The following ECE1 variants were observed in gnomAD, a reference collection of about 807,000 sequenced individuals.
ECE1 encodes the protein endothelin-converting enzyme 1.
ECE1 carries 35 observed loss-of-function variants against 98.6 expected under a neutral mutation model. The observed-to-expected ratio is 0.35, with a 90% CI of 0.27 to 0.47. ECE1 has a LOEUF of 0.47. Ranked by LOEUF, ECE1 falls within the 20% of genes least tolerant of loss-of-function variation. The probability of loss-of-function intolerance (pLI) is 1.00; values close to 1 mark genes in which losing one functional copy is unlikely to be tolerated. For missense variants in ECE1, 814 were observed against 1,025.3 expected, an observed-to-expected ratio of 0.79 and a Z score of 2.81; for synonymous variants, 394 against 407.1, an observed-to-expected ratio of 0.97 and a Z score of 0.39.
At chr1:21,237,725 G>A (rs372523435) in intron 11 of ECE1, among the ~76,000 whole-genome samples, 3 of 152,140 alleles carry the variant, frequency 2.0e-5, no homozygotes, top group Non-Finnish European at 2.9e-5. Flanking sequence ...AGCTTAGGCC[G>A]GGCTGTCTCC....
intron 14 of ECE1, among the ~76,000 whole-genome samples, chr1:21,230,273 T>C (rs1322175674): frequency 2.0e-5 from 3 of 152,174 alleles, no homozygotes; most frequent in African/African-American, 7.2e-5. Flanking sequence ...AATTATCACT[T>C]TTCGAGTTTT....
intron 1 of ECE1, chr1:21,298,639 G>A (rs962308130): frequency 4.9e-6 from 2 of 411,686 alleles, no homozygotes; most frequent in African/African-American, 4.1e-5. Flanking sequence ...TAGACCTGGG[G>A]CTCGGTGGCA....
At chr1:21,333,596 G>A (rs907388785) in intron 1 of ECE1, among the ~76,000 whole-genome samples, 4 of 152,186 alleles carry the variant, frequency 2.6e-5, no homozygotes, top group Non-Finnish European at 5.9e-5. Flanking sequence ...TCTTTGGGAG[G>A]CCGAGGCAGG....
chr1:21,219,857 C>T lies in ECE1; in HGVS notation c.*98G>A, dbSNP rs780518855. ...CCGCCAGTGTGAGGAAGCAGGGCCCCGGGTGGCCAAGCGGGCTGAGCAATG... is the reference window on the plus strand; with the variant it reads ...CCGCCAGTGTGAGGAAGCAGGGCCCTGGGTGGCCAAGCGGGCTGAGCAATG... On this transcript the variant is annotated 3_prime_UTR_variant, in exon 19 of 19. Transcript: ENST00000374893. This position sits in a 1 kb window ranked among gnomAD's most constrained non-coding sequence, Gnocchi z 4.5. 120 of 1,515,554 alleles carry T rather than the reference C, an allele frequency of 7.9e-5. No individual in the cohort carries two copies. Among genetic ancestry groups the T allele is most frequent in the Admixed American group, 9.3e-5 (5 of 53,700 alleles). The allele number at this position is 1,515,554 out of a possible 1,614,324, so 93.9% of individuals were successfully genotyped here. A position where few individuals can be genotyped will look rare whatever the true frequency, so the allele number is the denominator to read the frequency against.
At chr1:21,331,013 A>G (rs918213438) in intron 1 of ECE1, among the ~76,000 whole-genome samples, 2 of 152,156 alleles carry the variant, frequency 1.3e-5, no homozygotes, top group Non-Finnish European at 2.9e-5. Flanking sequence ...GTGGTGGTTC[A>G]CGCCTGTCAT....
At chr1:21,281,290 G>T (rs183305334) in intron 2 of ECE1, among the ~76,000 whole-genome samples, 1 of 152,324 alleles carries the variant, frequency 6.6e-6, no homozygotes, top group Non-Finnish European at 1.5e-5. Context: ...AGACACTGAA[G>T]CAGCTGGGTC....
In ECE1 at chr1:21,247,178, T is replaced by C. The variant is rs376512159; in HGVS notation, c.1163+43A>G. 1.1e-5 allele frequency: 17 copies of C among 1,613,626 alleles called. No homozygotes were observed. The African/African-American group carries it at 2.0e-4, about 19-fold the overall frequency. On this transcript the variant is annotated intron_variant, in intron 9 of 18. Transcript: ENST00000374893. ...CTGCCCACCTGCCCAAGAAGAGGGC[T>C]GTCTGTGAGAGGCGTGCCCCAGGCC...
intron 1 of ECE1, among the ~76,000 whole-genome samples, chr1:21,303,749 A>G (rs980776195): frequency 6.6e-6 from 1 of 152,098 alleles, no homozygotes; most frequent in African/African-American, 2.4e-5. Context: ...CCTAGGCTCA[A>G]GCAATGCTCC....
At chr1:21,321,609 GGATTGATTGATT>G (rs10622861) in intron 1 of ECE1, among the ~76,000 whole-genome samples, 7 of 151,064 alleles carry the variant, frequency 4.6e-5, no homozygotes, top group Non-Finnish European at 7.4e-5. Context: ...CTGTCACACA[GGATTGATTGATT>G]GATTGATTGA....
chr1:21,300,257 AG>A (rs1338046388), intron 1 of ECE1, among the ~76,000 whole-genome samples: 1 of 152,234 alleles, frequency 6.6e-6, no homozygotes, highest in Non-Finnish European at 1.5e-5. Flanking sequence ...GCTGAGAAGC[AG>A]GGAGAAGAAC....
chr1:21,289,230 C>T lies in ECE1; in HGVS notation c.138+840G>A, dbSNP rs960876622. On this transcript the variant is annotated intron_variant, in intron 2 of 18. Coordinates refer to ENST00000374893, the MANE Select transcript of ECE1 (RefSeq NM_001397.3). ...GGGTGCCCCAGCTCCTCTTTCTACA[C>T]TGGCTTCTCAAGAGCCAGATCACTG... Among the ~76,000 whole-genome samples the T allele has an allele frequency of 2.0e-5, 3 of 152,188 alleles. No individual in the cohort carries two copies. In the South Asian group the frequency reaches 6.2e-4, roughly 32 times the overall value.
rs1398978758 is a variant in ECE1 at position 21,290,371 on chromosome 1, G to A, written c.44C>T (p.Ala15Val). 1.6e-6 allele frequency: 2 copies of A among 1,219,538 alleles called. No homozygotes were observed. Among genetic ancestry groups the A allele is most frequent in the South Asian group, 3.9e-5 (1 of 25,632 alleles). 75.5% of individuals were successfully genotyped at this position (1,219,538 alleles called of 1,614,324 possible). A position where few individuals can be genotyped will look rare whatever the true frequency, so the allele number is the denominator to read the frequency against. ...WPPPVSALLSALGMSTYKRAT... is the reference protein window; with the variant it reads ...WPPPVSALLSVLGMSTYKRAT... ...AGGCCGCGCCCGCCTCACCCCCAGC[G>A]CCGACAGCAGGGCGGACACCGGGGG... Residue 15 changes from alanine (A) to valine (V), a missense_variant, in exon 1 of 19, where the codon GCG becomes GTG. This residue lies in a region of ECE1 where 257 missense variants were observed against 278.9 expected (regional missense o/e 0.92). Transcript: ENST00000374893. This position sits in a 1 kb window ranked among gnomAD's most constrained non-coding sequence, Gnocchi z 7.3.
chr1:21,226,284 C>T (rs1381367658), intron 16 of ECE1, among the ~76,000 whole-genome samples: 2 of 152,132 alleles, frequency 1.3e-5, no homozygotes, highest in Non-Finnish European at 2.9e-5. Context: ...ACCCCAAGAG[C>T]GGGACAACTT....
upstream of ECE1, among the ~76,000 whole-genome samples, chr1:21,291,188 G>T (rs2098266287): frequency 6.6e-6 from 1 of 152,128 alleles, no homozygotes; most frequent in South Asian, 2.1e-4. Flanking sequence ...GGGAAAGGGG[G>T]CTCTCTCGGA....
At chr1:21,291,324 C>G (rs892304620), upstream of ECE1, among the ~76,000 whole-genome samples, 2 of 152,252 alleles carry the variant, frequency 1.3e-5, no homozygotes, top group South Asian at 2.1e-4. Context: ...TGCATTTATG[C>G]GTACTTTTCA....
chr1:21,289,758 G>A (rs2098264402), intron 2 of ECE1, among the ~76,000 whole-genome samples: 2 of 152,032 alleles, frequency 1.3e-5, no homozygotes, highest in Non-Finnish European at 2.9e-5. Context: ...TGCCTTCTGT[G>A]GAAAGGGAAC....
intron 1 of ECE1, among the ~76,000 whole-genome samples, chr1:21,311,423 A>C (rs1638720280): frequency 1.3e-5 from 2 of 148,258 alleles, no homozygotes; most frequent in Non-Finnish European, 3.0e-5. Context: ...CTGTGATCCC[A>C]GCACTTTGGG....
chr1:21,234,491 T>C (rs964585988), intron 13 of ECE1, among the ~76,000 whole-genome samples: 4 of 151,626 alleles, frequency 2.6e-5, no homozygotes, highest in Non-Finnish European at 5.9e-5. Flanking sequence ...TTTTTTCTGC[T>C]TTTTTGAGAC....
At chr1:21,325,254 C>G (rs1489372164) in intron 1 of ECE1, among the ~76,000 whole-genome samples, 1 of 152,238 alleles carries the variant, frequency 6.6e-6, no homozygotes, top group Admixed American at 6.5e-5. Flanking sequence ...CACTCTTTCC[C>G]TCCATGCATC....
Sources: allele counts gnomAD v4.1 joint callset (sites outside exome capture counted in the v4.1 genomes callset), GRCh38; gene constraint gnomAD v4.1.1; regional missense constraint gnomAD v4.1.1; non-coding constraint Gnocchi (gnomAD v3.1); transcripts MANE v1.5; gene names NCBI Gene and HGNC (gene_info 2026-07-23, HGNC 2026-07-21).